The following CTSC variants were observed in gnomAD, a reference collection of about 807,000 sequenced individuals.
The protein encoded by CTSC is dipeptidyl peptidase 1.
In CTSC, 37 loss-of-function variants were observed where a neutral mutation model predicts 40.9. That is an observed-to-expected ratio of 0.91 (90% CI 0.70 to 1.19). The LOEUF is 1.19. CTSC is among the 50% of genes most tolerant of loss of function. The probability of loss-of-function intolerance (pLI) is 0.00; values close to 1 mark genes in which losing one functional copy is unlikely to be tolerated. For synonymous variants in CTSC, 232 were observed against 207.4 expected (o/e 1.12, Z -1.02); for missense variants, 594 against 567.3 (o/e 1.05, Z -0.48).
intron 1 of CTSC, among the ~76,000 whole-genome samples, chr11:88,336,725 C>T (rs1938506133): frequency 6.6e-6 from 1 of 152,062 alleles, no homozygotes; most frequent in Non-Finnish European, 1.5e-5. Flanking sequence ...CACAGTGTGA[C>T]TCTTCTAACT....
Position 88,324,452 on chromosome 11 carries a change from C to CA in CTSC, c.318+10484dup, listed in dbSNP as rs1036702760. 4 of 980,148 alleles carry CA rather than the reference C, an allele frequency of 4.1e-6. No individual in the cohort carries two copies. The African/African-American group carries it at 7.0e-5, about 17-fold the overall frequency. 60.7% of individuals were successfully genotyped at this position (980,148 alleles called of 1,614,324 possible). A position where few individuals can be genotyped will look rare whatever the true frequency, so the allele number is the denominator to read the frequency against. ...GATAATATTCTTTAGAGCAGGGAAT[C>CA]AAAAAAGATGTATATGGCACCATTC... On this transcript the variant is annotated intron_variant, in intron 2 of 6. Coordinates refer to ENST00000227266, the MANE Select transcript of CTSC (RefSeq NM_001814.6).
At chr11:88,320,641 T>C (rs899304411) in intron 2 of CTSC, among the ~76,000 whole-genome samples, 2 of 152,192 alleles carry the variant, frequency 1.3e-5, no homozygotes, top group Admixed American at 6.5e-5. Flanking sequence ...TCTTGGCCTC[T>C]ATAGGCTTAC....
In CTSC at chr11:88,296,161, C is replaced by A; in HGVS notation, c.861G>T (p.Glu287Asp). The change falls in exon 6 of 7, where the codon GAG (glutamate) becomes GAT (aspartate). Residue 287 changes from glutamate to aspartate, a missense_variant. Glu to Asp is a conservative substitution (Grantham distance 45). Transcript: ENST00000227266. ...NSQTPILSPQ[E>D]VVSCSQYAQG... is the part of the protein sequence containing the mutation. ...GAGCATACTGGCTACAAGACACAAC[C>A]TCCTGAGGGCTTAGGATTGGGGTCT... is the stretch of plus-strand genomic sequence containing the variant. 1 of 1,614,000 alleles carries A rather than the reference C, an allele frequency of 6.2e-7. No homozygotes were observed. Among genetic ancestry groups the A allele is most frequent in the Non-Finnish European group, 8.5e-7 (1 of 1,179,940 alleles).
chr11:88,326,307 G>A, intron 2 of CTSC: 1 of 1,612,982 alleles, frequency 6.2e-7, no homozygotes, highest in Non-Finnish European at 8.5e-7. Context: ...CTCCAGAAGG[G>A]ACTGTAGCTG....
At chr11:88,331,199 T>C (rs1938346100) in intron 2 of CTSC, among the ~76,000 whole-genome samples, 1 of 152,150 alleles carries the variant, frequency 6.6e-6, no homozygotes. Context: ...TGCCCTCCAG[T>C]ACAACTCCAA....
chr11:88,330,712 G>A (rs1380145570), intron 2 of CTSC, among the ~76,000 whole-genome samples: 1 of 152,112 alleles, frequency 6.6e-6, no homozygotes, highest in African/African-American at 2.4e-5. Context: ...AAAAACTTTA[G>A]ATGTCAAACT....
At chr11:88,301,680 A>G (rs1479588194) in intron 4 of CTSC, among the ~76,000 whole-genome samples, 4 of 152,162 alleles carry the variant, frequency 2.6e-5, no homozygotes, top group African/African-American at 9.7e-5. Context: ...TGTAAGACAC[A>G]CAAAGGAGAG....
rs146293790 is a variant in CTSC at position 88,333,669 on chromosome 11, T to G, written c.318+1268A>C. Among the ~76,000 whole-genome samples, 13 of 151,706 alleles carry G rather than the reference T, an allele frequency of 8.6e-5. No homozygotes were observed. The East Asian group carries it at 2.3e-3, about 27-fold the overall frequency. ...ACATATACATTACAATTTTAAAAATTTATATAGATACTATTGTAAGTATGT... is the reference window on the plus strand; with the variant it reads ...ACATATACATTACAATTTTAAAAATGTATATAGATACTATTGTAAGTATGT... On this transcript the variant is annotated intron_variant, in intron 2 of 6. Transcript: ENST00000227266.
chr11:88,321,344 T>G (rs1938007916), intron 2 of CTSC: 1 of 152,174 alleles, frequency 6.6e-6, no homozygotes, highest in Admixed American at 6.6e-5. Flanking sequence ...AACTTCCACA[T>G]GCTTAGCATT....
intron 2 of CTSC, among the ~76,000 whole-genome samples, chr11:88,319,590 T>C (rs533542689): frequency 1.3e-5 from 2 of 152,250 alleles, no homozygotes; most frequent in South Asian, 4.1e-4. Context: ...AAAATCATAA[T>C]AATGAAGAAT....
intron 4 of CTSC, among the ~76,000 whole-genome samples, chr11:88,304,057 G>A (rs893382421): frequency 6.6e-6 from 1 of 152,030 alleles, no homozygotes; most frequent in Non-Finnish European, 1.5e-5. Flanking sequence ...TTAACTAGTT[G>A]TCTTGTTTAA....
intron 2 of CTSC, among the ~76,000 whole-genome samples, chr11:88,330,042 C>T (rs1260063592): frequency 1.3e-5 from 2 of 152,160 alleles, no homozygotes; most frequent in East Asian, 3.9e-4. Context: ...TTAAGAAGTG[C>T]AAATTTGCTA....
chr11:88,337,308 A>T (rs903239300), intron 1 of CTSC, among the ~76,000 whole-genome samples, 193 bp downstream of exon 1: 4 of 152,224 alleles, frequency 2.6e-5, no homozygotes, highest in African/African-American at 9.6e-5. Context: ...TGGAGTTAGA[A>T]GTTCTCAGCA....
At chr11:88,316,056 C>CA (rs1213606575) in intron 2 of CTSC, among the ~76,000 whole-genome samples, 2 of 151,524 alleles carry the variant, frequency 1.3e-5, no homozygotes, top group Non-Finnish European at 2.9e-5. Flanking sequence ...GAGTCACGTT[C>CA]AAATTGTTGC....
rs753252587 is a variant in CTSC at position 88,294,261 on chromosome 11, G to T, written c.1137C>A (p.Asp379Glu). 8 of 1,613,912 alleles carry T rather than the reference G, an allele frequency of 5.0e-6. No individual in the cohort carries two copies. The highest frequency in any genetic ancestry group is 6.8e-6 in the Non-Finnish European group (8 of 1,180,028). Residue 379 changes from aspartate to glutamate, a missense_variant, in exon 7 of 7, where the codon GAC becomes GAA. Transcript: ENST00000227266. The stretch of plus-strand genomic sequence containing the variant: ...AGATCCCCTTTTTGTAGTGGAGGAA[G>T]TCATCATATACTTCAAAAGCAACTG... ...PMAVAFEVYD[D>E]FLHYKKGIYH...
intron 1 of CTSC, 64 bp from the exon 2 acceptor site, chr11:88,335,146 C>A: frequency 2.8e-6 from 3 of 1,078,652 alleles, no homozygotes; most frequent in East Asian, 4.7e-5. Flanking sequence ...GGGAAAGAAT[C>A]CCCCAATTTC....
At chr11:88,303,783 G>A (rs763057819) in intron 4 of CTSC, among the ~76,000 whole-genome samples, 5 of 152,182 alleles carry the variant, frequency 3.3e-5, no homozygotes, top group Non-Finnish European at 5.9e-5. Context: ...GCCTCTCTCT[G>A]TTCAGTGTTC....
chr11:88,301,804 A>ACGCG (rs144184525), intron 4 of CTSC, among the ~76,000 whole-genome samples: 36 of 91,226 alleles, frequency 3.9e-4, no homozygotes, highest in African/African-American at 9.1e-4. Context: ...ACACAAACAC[A>ACGCG]CGCGCGCACA....
intron 2 of CTSC, among the ~76,000 whole-genome samples, chr11:88,320,323 A>G (rs575266620): frequency 5.4e-4 from 82 of 152,318 alleles, no homozygotes; most frequent in African/African-American, 1.9e-3. Context: ...AGAATTAGCT[A>G]AGAAAACAGC....
Sources: allele counts gnomAD v4.1 joint callset (sites outside exome capture counted in the v4.1 genomes callset), GRCh38; gene constraint gnomAD v4.1.1; transcripts MANE v1.5; gene names NCBI Gene and HGNC (gene_info 2026-07-23, HGNC 2026-07-21).